The following KAZN variants were observed in gnomAD, a reference collection of about 807,000 sequenced individuals.
KAZN encodes kazrin, periplakin interacting protein.
A neutral mutation model predicts 87.4 loss-of-function variants in KAZN; 40 were observed. That is an observed-to-expected ratio of 0.46 (90% confidence interval 0.36 to 0.60). KAZN has a LOEUF of 0.60. Ranked by LOEUF, KAZN falls within the 20% of genes least tolerant of loss-of-function variation. KAZN has a pLI of 0.00. For missense variants in KAZN, 898 were observed against 1,073.9 expected (o/e 0.84, Z 2.29); for synonymous variants, 466 against 458.3 (o/e 1.02, Z -0.22).
intron 2 of KAZN, among the ~76,000 whole-genome samples, chr1:14,292,779 T>C (rs1653815919): frequency 6.6e-6 from 1 of 152,174 alleles, no homozygotes; most frequent in South Asian, 2.1e-4. Context: ...ACACATCTGA[T>C]GGATGAGCTG....
intron 2 of KAZN, among the ~76,000 whole-genome samples, chr1:14,987,764 G>A (rs769555028): frequency 1.3e-5 from 2 of 152,188 alleles, no homozygotes; most frequent in East Asian, 1.9e-4. Flanking sequence ...GGAAGGATGC[G>A]GGGAAGCCAC....
chr1:14,832,275 A>AC (rs1470861803), intron 1 of KAZN, among the ~76,000 whole-genome samples: 1 of 150,056 alleles, frequency 6.7e-6, no homozygotes, highest in Non-Finnish European at 1.5e-5. Context: ...CACACCCCAC[A>AC]CCCCCCACGT....
chr1:14,976,246 G>A (rs1665611584), intron 2 of KAZN, among the ~76,000 whole-genome samples: 1 of 152,062 alleles, frequency 6.6e-6, no homozygotes, highest in Non-Finnish European at 1.5e-5. Context: ...TCGGCTCACT[G>A]CAGCCTCAAC....
At chr1:14,714,024 C>G (rs190764892) in intron 1 of KAZN, among the ~76,000 whole-genome samples, 128 of 152,206 alleles carry the variant, frequency 8.4e-4, no homozygotes, top group Non-Finnish European at 1.4e-3. Context: ...TTTGATAAAT[C>G]CTGACACCCA....
chr1:15,106,642 A>G (rs1041472894), intron 13 of KAZN, among the ~76,000 whole-genome samples: 1 of 152,134 alleles, frequency 6.6e-6, no homozygotes, highest in African/African-American at 2.4e-5. Context: ...CAATGATAAG[A>G]TAAGAGGGAA....
intron 2 of KAZN, among the ~76,000 whole-genome samples, chr1:14,291,147 C>G (rs2100746601): frequency 6.6e-6 from 1 of 152,352 alleles, no homozygotes; most frequent in Non-Finnish European, 1.5e-5. Context: ...GTCAGGGACC[C>G]ACTTGAGGAG....
At chr1:14,628,010 C>A (rs1182573421) in intron 1 of KAZN, among the ~76,000 whole-genome samples, 2 of 152,112 alleles carry the variant, frequency 1.3e-5, no homozygotes, top group East Asian at 1.9e-4. Flanking sequence ...GTCTGTCTGA[C>A]CTTCTCACCC....
intron 1 of KAZN, among the ~76,000 whole-genome samples, chr1:13,950,079 G>A (rs1219044953): frequency 6.6e-6 from 1 of 152,170 alleles, no homozygotes; most frequent in Non-Finnish European, 1.5e-5. Flanking sequence ...CACACCCCAG[G>A]GCTGAGCCTG....
intron 2 of KAZN, among the ~76,000 whole-genome samples, chr1:14,190,755 A>C (rs933953028): frequency 6.6e-6 from 1 of 152,120 alleles, no homozygotes; most frequent in Non-Finnish European, 1.5e-5. Context: ...AGTCCCTCCT[A>C]GACTAGCCAG....
intron 2 of KAZN, among the ~76,000 whole-genome samples, chr1:14,449,760 A>G (rs1667167405): frequency 6.6e-6 from 1 of 152,196 alleles, no homozygotes; most frequent in African/African-American, 2.4e-5. Flanking sequence ...AATGTTTTCA[A>G]GATCAGGGAT....
At chr1:14,066,384 G>C (rs1643010146) in intron 1 of KAZN, among the ~76,000 whole-genome samples, 1 of 152,178 alleles carries the variant, frequency 6.6e-6, no homozygotes, top group African/African-American at 2.4e-5. Flanking sequence ...GGTTCTTTGA[G>C]AAATCTCCAC....
intron 1 of KAZN, among the ~76,000 whole-genome samples, chr1:14,103,287 A>G (rs978638900): frequency 1.3e-5 from 2 of 152,138 alleles, no homozygotes; most frequent in African/African-American, 4.8e-5. Flanking sequence ...TTATACATCT[A>G]TCTCTTCTTG....
chr1:14,038,411 G>A (rs1418866584), intron 1 of KAZN, among the ~76,000 whole-genome samples: 1 of 152,158 alleles, frequency 6.6e-6, no homozygotes, highest in African/African-American at 2.4e-5. Context: ...CAGGTCAAAG[G>A]CCTTATGCAG....
At chr1:14,474,208 G>A (rs1668601289) in intron 2 of KAZN, among the ~76,000 whole-genome samples, 2 of 152,024 alleles carry the variant, frequency 1.3e-5, no homozygotes, top group African/African-American at 4.8e-5. Context: ...CTATTTTCTA[G>A]TACATGCAAA....
At chr1:14,066,368 A>T (rs1029699083) in intron 1 of KAZN, among the ~76,000 whole-genome samples, 1 of 152,022 alleles carries the variant, frequency 6.6e-6, no homozygotes, top group African/African-American at 2.4e-5. Context: ...CGGTAGATCT[A>T]CCTTTGGTTC....
chr1:14,967,603 T>C (rs990890986), intron 2 of KAZN, among the ~76,000 whole-genome samples: 2 of 152,100 alleles, frequency 1.3e-5, no homozygotes, highest in African/African-American at 2.4e-5. Flanking sequence ...ACAAGGGCCC[T>C]TGAAAGTAGA....
intron 2 of KAZN, among the ~76,000 whole-genome samples, chr1:14,268,237 G>T (rs1033695074): frequency 6.6e-6 from 1 of 152,154 alleles, no homozygotes; most frequent in African/African-American, 2.4e-5. Context: ...TTTGCACAGT[G>T]CCTGGTACAT....
chr1:15,025,308 G>A (rs1465554647), intron 2 of KAZN, among the ~76,000 whole-genome samples: 1 of 152,232 alleles, frequency 6.6e-6, no homozygotes, highest in Non-Finnish European at 1.5e-5. Context: ...TCTCACTGGT[G>A]TGAATAGACT....
chr1:14,949,548 T>C lies in KAZN; in HGVS notation c.227-11136T>C, dbSNP rs1294937284. Among the ~76,000 whole-genome samples, 1 of 152,000 alleles carries C rather than the reference T, an allele frequency of 6.6e-6. No individual in the cohort carries two copies. The highest frequency in any genetic ancestry group is 1.9e-4 in the East Asian group (1 of 5,156). On this transcript the variant is annotated intron_variant, in intron 1 of 14. Coordinates refer to ENST00000376030, the MANE Select transcript of KAZN (RefSeq NM_201628.3). The surrounding 1 kb of genome is among the most constrained non-coding windows in gnomAD (Gnocchi z 4.3). ...GCCTCTCCCACCCCCACCCAGATGGTGTTTTTCGAGATTCACATTCCTCCT... is the reference window on the plus strand; with the variant it reads ...GCCTCTCCCACCCCCACCCAGATGGCGTTTTTCGAGATTCACATTCCTCCT...
Sources: gnomAD v4.1 joint callset for allele counts (sites outside exome capture counted in the v4.1 genomes callset) on GRCh38, gnomAD v4.1.1 for gene constraint, Gnocchi (gnomAD v3.1) non-coding constraint, MANE v1.5 for transcripts, NCBI Gene and HGNC (gene_info 2026-07-23, HGNC 2026-07-21) for gene names.